The following FRMD3 variants were observed in gnomAD, a reference collection of about 807,000 sequenced individuals.
FRMD3 encodes FERM domain containing 3, also known as FERM domain-containing protein 3.
In FRMD3, 33 loss-of-function variants were observed where a neutral mutation model predicts 70.2. The ratio of observed to expected loss-of-function variants is 0.47; its 90% CI spans 0.36 to 0.63. The LOEUF is 0.63. Among genes scored for constraint, FRMD3 ranks in the 20% least tolerant of loss-of-function variants. The pLI, the probability that FRMD3 is intolerant of heterozygous loss-of-function variation, is 0.00. For synonymous variants in FRMD3, 279 were observed against 255.9 expected, an observed-to-expected ratio of 1.09 and a Z score of -0.86; for missense variants, 632 against 711.4, an observed-to-expected ratio of 0.89 and a Z score of 1.27.
intron 13 of FRMD3, among the ~76,000 whole-genome samples, chr9:83,266,137 A>T (rs973627057): frequency 1.4e-5 from 2 of 145,896 alleles, no homozygotes; most frequent in Non-Finnish European, 3.0e-5. Context: ...TCCCATTTAT[A>T]AAAAAAAAAA....
chr9:83,438,687 A>ACC (rs1827210688), intron 1 of FRMD3, among the ~76,000 whole-genome samples: 1 of 152,236 alleles, frequency 6.6e-6, no homozygotes, highest in Admixed American at 6.5e-5. Flanking sequence ...GGCGTGAGCC[A>ACC]CCGCATCCAG....
At chr9:83,400,307 A>C (rs1025292623) in intron 1 of FRMD3, among the ~76,000 whole-genome samples, 1 of 152,212 alleles carries the variant, frequency 6.6e-6, no homozygotes, top group Non-Finnish European at 1.5e-5. Context: ...TTAGCACCCC[A>C]AAAAATGAAA....
intron 1 of FRMD3, among the ~76,000 whole-genome samples, chr9:83,471,281 G>A (rs190865835): frequency 2.0e-5 from 3 of 152,270 alleles, no homozygotes; most frequent in Admixed American, 2.0e-4. Flanking sequence ...AAACATTCTG[G>A]GCAACTTGTA....
intron 13 of FRMD3, among the ~76,000 whole-genome samples, chr9:83,270,654 T>G (rs1833508561): frequency 6.6e-6 from 1 of 152,204 alleles, no homozygotes; most frequent in Non-Finnish European, 1.5e-5. Context: ...GCTGCATCGT[T>G]TATCATCTCT....
chr9:83,470,692 A>T (rs565570414), intron 1 of FRMD3, among the ~76,000 whole-genome samples: 2 of 152,372 alleles, frequency 1.3e-5, no homozygotes, highest in South Asian at 4.1e-4. Flanking sequence ...ATTCATGAAT[A>T]GAATACACAA....
intron 12 of FRMD3, among the ~76,000 whole-genome samples, chr9:83,292,937 G>A (rs759466144): frequency 1.6e-4 from 24 of 152,180 alleles, no homozygotes; most frequent in African/African-American, 4.6e-4. Context: ...GAGCCACCAC[G>A]CCCAGCCACA....
chr9:83,439,760 T>C (rs1382831418), intron 1 of FRMD3, among the ~76,000 whole-genome samples: 1 of 152,208 alleles, frequency 6.6e-6, no homozygotes, highest in Non-Finnish European at 1.5e-5. Context: ...GCCCAAAGTG[T>C]TTAAACTTTC....
intron 1 of FRMD3, among the ~76,000 whole-genome samples, chr9:83,463,674 T>C (rs4877773): frequency 0.38 from 58,303 of 152,048 alleles, 11,698 homozygotes; most frequent in Middle Eastern, 0.49. Context: ...ATAACCATTT[T>C]GCTCTTGCCA....
At chr9:83,569,215 A>G in the FRMD3 span, among the ~76,000 whole-genome samples, 8 of 152,234 alleles carry the variant, frequency 5.3e-5, no homozygotes, top group Admixed American at 2.0e-4. Flanking sequence ...ATCTGTGCTC[A>G]GGTACGATAC....
At chr9:83,489,840 C>G (rs996702695) in intron 1 of FRMD3, among the ~76,000 whole-genome samples, 1 of 152,188 alleles carries the variant, frequency 6.6e-6, no homozygotes, top group Non-Finnish European at 1.5e-5. Flanking sequence ...AAATCTCAAT[C>G]AATATGGCAA....
chr9:83,351,008 C>T (rs1824137457), intron 3 of FRMD3: 2 of 971,072 alleles, frequency 2.1e-6, no homozygotes, highest in Non-Finnish European at 2.4e-6. Context: ...TCATTTGCTT[C>T]TGTATCAGTA....
At chr9:83,415,343 C>A (rs918304349) in intron 1 of FRMD3, among the ~76,000 whole-genome samples, 2 of 152,042 alleles carry the variant, frequency 1.3e-5, no homozygotes, top group African/African-American at 4.8e-5. Flanking sequence ...AACACCATTG[C>A]AAGCTGCCTG....
intron 13 of FRMD3, among the ~76,000 whole-genome samples, chr9:83,283,539 A>AT (rs1834058983): frequency 4.4e-5 from 2 of 45,306 alleles, no homozygotes; most frequent in African/African-American, 9.8e-5. Context: ...TCAAAAAAAA[A>AT]AAAAAAAAAT....
At chr9:83,420,529 T>C (rs941766328) in intron 1 of FRMD3, among the ~76,000 whole-genome samples, 2 of 152,144 alleles carry the variant, frequency 1.3e-5, no homozygotes, top group Non-Finnish European at 2.9e-5. Context: ...CCTTTGGATC[T>C]AGAAAGACAC....
the FRMD3 span, among the ~76,000 whole-genome samples, chr9:83,580,084 T>A: frequency 6.6e-6 from 1 of 152,062 alleles, no homozygotes; most frequent in African/African-American, 2.4e-5. Flanking sequence ...TAATGAGATA[T>A]CATGCCACCC....
chr9:83,438,977 C>T (rs1386084681), intron 1 of FRMD3, among the ~76,000 whole-genome samples: 1 of 152,086 alleles, frequency 6.6e-6, no homozygotes, highest in Non-Finnish European at 1.5e-5. Context: ...GCCTGAAAAC[C>T]CTCACCTCTT....
At chr9:83,503,546 G>A (rs766405754) in intron 1 of FRMD3, among the ~76,000 whole-genome samples, 4 of 152,166 alleles carry the variant, frequency 2.6e-5, no homozygotes, top group Admixed American at 6.5e-5. Context: ...GACACCTTGA[G>A]TACAGATTTG....
intron 12 of FRMD3, among the ~76,000 whole-genome samples, chr9:83,294,759 C>T (rs1289638072): frequency 6.6e-6 from 1 of 152,182 alleles, no homozygotes; most frequent in Non-Finnish European, 1.5e-5. Context: ...AAGGCTTTTG[C>T]TATGCTGCAC....
intron 13 of FRMD3, among the ~76,000 whole-genome samples, chr9:83,255,075 GA>G (rs1027227890): frequency 3.0e-4 from 45 of 152,042 alleles, no homozygotes; most frequent in African/African-American, 9.6e-4. Flanking sequence ...GAGATACAAC[GA>G]AAAAAGTAAA....
Sources: gnomAD v4.1 joint callset for allele counts (sites outside exome capture counted in the v4.1 genomes callset) on GRCh38, gnomAD v4.1.1 for gene constraint, MANE v1.5 for transcripts, NCBI Gene and HGNC (gene_info 2026-07-23, HGNC 2026-07-21) for gene names.